The following FKBP5 variants were observed in gnomAD, a reference collection of about 807,000 sequenced individuals.
The protein encoded by FKBP5 is peptidyl-prolyl cis-trans isomerase FKBP5.
FKBP5 carries 23 observed loss-of-function variants against 50.5 expected under a neutral mutation model. The ratio of observed to expected loss-of-function variants is 0.46; its 90% CI spans 0.33 to 0.65. The LOEUF is 0.65. Among genes scored for constraint, FKBP5 ranks in the 30% least tolerant of loss-of-function variants. FKBP5 has a pLI of 0.02. For missense variants in FKBP5, 411 were observed against 553.1 expected (o/e 0.74, Z 2.58); for synonymous variants, 176 against 190.6 (o/e 0.92, Z 0.63).
intron 5 of FKBP5, among the ~76,000 whole-genome samples, chr6:35,600,779 A>T (rs1002521673): frequency 6.6e-6 from 1 of 152,222 alleles, no homozygotes; most frequent in East Asian, 1.9e-4. Flanking sequence ...TTTTCAAAAC[A>T]GGAAATCCAG....
intron 3 of FKBP5, 139 bp from the exon 4 acceptor site, chr6:35,620,413 C>G: frequency 1.3e-6 from 1 of 783,924 alleles, no homozygotes; most frequent in South Asian, 2.1e-5. Flanking sequence ...TGACAGAGTG[C>G]TACATACAAA....
At chr6:35,612,755 G>A (rs190545247) in intron 5 of FKBP5, among the ~76,000 whole-genome samples, 1 of 152,182 alleles carries the variant, frequency 6.6e-6, no homozygotes, top group Non-Finnish European at 1.5e-5. Context: ...ATCAGATCTC[G>A]TGACAACTCA....
chr6:35,593,334 T>C (rs965546035), intron 6 of FKBP5, among the ~76,000 whole-genome samples: 1 of 152,182 alleles, frequency 6.6e-6, no homozygotes, highest in Non-Finnish European at 1.5e-5. Flanking sequence ...TGACTATGAA[T>C]GACCATTAAG....
At chr6:35,594,831 AAATT>A (rs1762931845) in intron 6 of FKBP5, among the ~76,000 whole-genome samples, 1 of 152,248 alleles carries the variant, frequency 6.6e-6, no homozygotes, top group Admixed American at 6.5e-5. Flanking sequence ...TAAATATGCT[AAATT>A]ATTTCCATAA....
At chr6:35,645,212 C>T (rs1363479631) in intron 1 of FKBP5, among the ~76,000 whole-genome samples, 2 of 152,128 alleles carry the variant, frequency 1.3e-5, no homozygotes, top group African/African-American at 4.8e-5. Context: ...GAAGAAAAGA[C>T]AAAAACAGAT....
At chr6:35,623,279 C>T (rs1763902780) in intron 3 of FKBP5, among the ~76,000 whole-genome samples, 1 of 152,204 alleles carries the variant, frequency 6.6e-6, no homozygotes, top group Non-Finnish European at 1.5e-5. Flanking sequence ...TTAGATAAAA[C>T]ACATCAAATG....
rs567089655 is a variant in FKBP5, at chr6:35,662,980, G to A, written c.-19-20137C>T. On this transcript the variant is annotated intron_variant, in intron 1 of 10. Transcript: ENST00000357266. ...AGAGAGCTACAAAGTGTTTCTGAGG[G>A]TCCCAAGGAGGCAGAAGATGGCAGT... is the stretch of plus-strand genomic sequence containing the variant. Among the ~76,000 whole-genome samples, 201 of 152,232 alleles carry A rather than the reference G, an allele frequency of 1.3e-3. 1 individual carries two copies. The highest frequency in any genetic ancestry group is 2.1e-3 in the Non-Finnish European group (142 of 68,004).
chr6:35,630,675 AC>A (rs2150983611), intron 3 of FKBP5, among the ~76,000 whole-genome samples: 1 of 152,342 alleles, frequency 6.6e-6, no homozygotes, highest in South Asian at 2.1e-4. Context: ...AAGAAAGACT[AC>A]CTGGATTTGA....
intron 5 of FKBP5, chr6:35,607,617 G>T (rs1436781060): frequency 2.0e-5 from 3 of 153,208 alleles, no homozygotes; most frequent in South Asian, 3.7e-4. Context: ...CACCATTGGA[G>T]AGCAGCGGCC....
chr6:35,702,883 G>A (rs1766216045), intron 2 of FKBP5, among the ~76,000 whole-genome samples: 1 of 152,024 alleles, frequency 6.6e-6, no homozygotes, highest in South Asian at 2.1e-4. Flanking sequence ...GTTAAACAAA[G>A]ATTTATTTGA....
chr6:35,699,812 C>T lies in FKBP5; in HGVS notation c.-20+20516G>A, dbSNP rs181212210. Among the ~76,000 whole-genome samples, 11 of 152,190 alleles carry T rather than the reference C, an allele frequency of 7.2e-5. No individual in the cohort carries two copies. The East Asian group carries it at 1.5e-3, about 21-fold the overall frequency. ...CTGTTATCTTATCACTTTGGGAGGC[C>T]GATGCGGGCAGATTACCTGAGGTCA... On this transcript the variant is annotated intron_variant, in intron 2 of 11. Coordinates refer to the FKBP5 transcript ENST00000536438.
chr6:35,632,771 C>T (rs889614615), intron 3 of FKBP5, among the ~76,000 whole-genome samples: 3 of 151,858 alleles, frequency 2.0e-5, no homozygotes, highest in Non-Finnish European at 4.4e-5. Flanking sequence ...TGCCTGTAAT[C>T]CCAGCTACTT....
chr6:35,620,018 A>C, intron 4 of FKBP5, 114 bp downstream of exon 4: 3 of 1,286,354 alleles, frequency 2.3e-6, no homozygotes, highest in Non-Finnish European at 3.3e-6. Flanking sequence ...AAAATAAGTA[A>C]GTTGGATCTG....
chr6:35,726,738 C>T lies in FKBP5; in HGVS notation c.-241+1770G>A, dbSNP rs1045488116. ...AACCTAACATCCAGCGTGTTTGTCT[C>T]TTCAATTGCCCAAGGGGAGGATATC... On this transcript the variant is annotated intron_variant, in intron 1 of 11. Coordinates refer to the FKBP5 transcript ENST00000536438. Among the ~76,000 whole-genome samples, 5 of 152,180 alleles carry T rather than the reference C, an allele frequency of 3.3e-5. No individual in the cohort carries two copies. In the South Asian group the frequency reaches 1.0e-3, roughly 31 times the overall value.
At chr6:35,580,989 C>T in intron 8 of FKBP5, 1 of 985,230 alleles carries the variant, frequency 1.0e-6, no homozygotes, top group Non-Finnish European at 1.2e-6. Context: ...CCTATTTGAA[C>T]CAGTCTCTGT....
intron 3 of FKBP5, among the ~76,000 whole-genome samples, chr6:35,633,028 T>C (rs913225991): frequency 5.9e-5 from 9 of 152,170 alleles, no homozygotes; most frequent in Non-Finnish European, 8.8e-5. Context: ...ATCTTTTCAA[T>C]GGGATTTTTA....
In FKBP5 at chr6:35,637,088, C is replaced by A. The variant is rs1352002631; in HGVS notation, c.176G>T (p.Gly59Val). The A allele has an allele frequency of 6.8e-6, 11 of 1,610,742 alleles. No individual in the cohort carries two copies. The highest frequency in any genetic ancestry group is 9.3e-6 in the Non-Finnish European group (11 of 1,179,254). The change falls in exon 3 of 11, where the codon GGA (glycine) becomes GTA (valine). Residue 59 changes from glycine (G) to valine (V), a missense_variant. Gly to Val is a moderately radical substitution (Grantham distance 109). Around this residue, in one of 3 missense-constraint regions of FKBP5, gnomAD observed 267 missense variants for 405.9 expected, o/e 0.66. Coordinates refer to ENST00000357266, the MANE Select transcript of FKBP5 (RefSeq NM_004117.4). ...IGDKVYVHYK[G>V]KLSNGKKFDS... ...AAACTTCTTTCCATTTGACAATTTTCCTTTGTAATGGACATAAACTTTGTC... is the reference window on the plus strand; with the variant it reads ...AAACTTCTTTCCATTTGACAATTTTACTTTGTAATGGACATAAACTTTGTC...
chr6:35,638,853 A>G (rs1349877275), intron 2 of FKBP5, among the ~76,000 whole-genome samples: 1 of 152,182 alleles, frequency 6.6e-6, no homozygotes, highest in African/African-American at 2.4e-5. Context: ...TGCATGTGGT[A>G]TTTGGGAGGC....
intron 1 of FKBP5, among the ~76,000 whole-genome samples, chr6:35,646,545 T>C (rs1330941573): frequency 1.3e-5 from 2 of 152,210 alleles, no homozygotes; most frequent in Non-Finnish European, 2.9e-5. Context: ...AATAAAACTT[T>C]TTCCTTGATT....
Sources: gnomAD v4.1 joint callset for allele counts (sites outside exome capture counted in the v4.1 genomes callset) on GRCh38, gnomAD v4.1.1 for gene constraint, gnomAD v4.1.1 regional missense constraint, MANE v1.5 for transcripts, NCBI Gene and HGNC (gene_info 2026-07-23, HGNC 2026-07-21) for gene names.